Variants in DMD observed in about 807,000 individuals in gnomAD.
The protein encoded by DMD is mutant dystrophin.
DMD carries 63 observed loss-of-function variants against 330.1 expected under a neutral mutation model. The observed-to-expected ratio is 0.19, with a 90% CI of 0.16 to 0.24. The LOEUF (loss-of-function observed/expected upper bound fraction) is 0.24, where lower values mean the gene tolerates loss of function less well. Among genes scored for constraint, DMD ranks in the 10% least tolerant of loss-of-function variants. The pLI is 1.00. For missense variants in DMD, 3,344 were observed against 2,684.1 expected (o/e 1.25, Z -5.43); for synonymous variants, 1,223 against 959.8 (o/e 1.27, Z -5.07).
intron 57 of DMD, among the ~76,000 whole-genome samples, chrX:31,490,365 A>T (rs1022905274): frequency 9.0e-6 from 1 of 111,326 alleles, no homozygotes; most frequent in South Asian, 3.8e-4. Context: ...GATCGAGACC[A>T]TCCTGGCTAA....
intron 1 of DMD, among the ~76,000 whole-genome samples, chrX:33,326,647 C>A (rs2148960288): frequency 8.9e-6 from 1 of 111,812 alleles, no homozygotes; most frequent in East Asian, 2.8e-4. Flanking sequence ...TCTCTTCATG[C>A]AAGTTATTTG....
chrX:32,878,698 G>A (rs1270624554), intron 2 of DMD, among the ~76,000 whole-genome samples: 2 of 110,854 alleles, frequency 1.8e-5, no homozygotes, highest in East Asian at 5.7e-4. Flanking sequence ...AAAGAGTGGT[G>A]AGGTAGGGCA....
intron 2 of DMD, among the ~76,000 whole-genome samples, chrX:32,912,129 G>T (rs939859196): frequency 2.8e-4 from 31 of 109,784 alleles, no homozygotes; most frequent in African/African-American, 9.3e-4. Context: ...CAGGGTGCAT[G>T]AATTCAGTGA....
intron 4 of DMD, 131 bp downstream of exon 4, chrX:32,844,652 C>T (rs2080489352): frequency 3.6e-6 from 2 of 554,855 alleles, no homozygotes; most frequent in Non-Finnish European, 6.3e-6. Context: ...ACAACATGTG[C>T]TCTCAGTAAG....
At chrX:32,617,040 G>T (rs1402423760) in intron 11 of DMD, among the ~76,000 whole-genome samples, 1 of 110,001 alleles carries the variant, frequency 9.1e-6, no homozygotes, top group Non-Finnish European at 1.9e-5. Context: ...CGCTGTTCAT[G>T]TTTGGCTCCT....
chrX:31,447,963 C>T lies in DMD; in HGVS notation c.8938-3336G>A, dbSNP rs1292608934. On this transcript the variant is annotated intron_variant, in intron 59 of 78. Coordinates refer to ENST00000357033, the MANE Select transcript of DMD (RefSeq NM_004006.3). ...TGGAGGTTGCAGTGAGCCAAGATGG[C>T]ACCACTGCACTCACTCCAGCCTGGG... 9.2e-5 allele frequency among the ~76,000 whole-genome samples: 9 copies of T among 98,347 alleles called. No homozygotes were observed. The East Asian group carries it at 2.9e-3, about 31-fold the overall frequency. 85.4% of individuals were successfully genotyped at this position (98,347 alleles called of 115,157 possible).
intron 1 of DMD, among the ~76,000 whole-genome samples, chrX:33,147,499 G>A (rs1021738624): frequency 8.9e-6 from 1 of 111,956 alleles, no homozygotes; most frequent in African/African-American, 3.2e-5. Flanking sequence ...AAATATTAAA[G>A]CAAATTTTTA....
intron 7 of DMD, among the ~76,000 whole-genome samples, chrX:32,778,483 A>G (rs192056983): frequency 2.7e-5 from 3 of 111,553 alleles, no homozygotes; most frequent in African/African-American, 9.8e-5. Context: ...GTTGTAACAT[A>G]TTCCCAAAAT....
At chrX:32,568,236 G>A (rs1039487339) in intron 15 of DMD, among the ~76,000 whole-genome samples, 4 of 111,831 alleles carry the variant, frequency 3.6e-5, no homozygotes, top group African/African-American at 1.3e-4. Context: ...AAAATTAGAG[G>A]TGGTGGCTCA....
intron 2 of DMD, among the ~76,000 whole-genome samples, chrX:32,859,101 T>G (rs918202546): frequency 9.0e-6 from 1 of 111,397 alleles, no homozygotes; most frequent in Non-Finnish European, 1.9e-5. Flanking sequence ...TCAATAAATA[T>G]AGATTGATTT....
intron 7 of DMD, among the ~76,000 whole-genome samples, chrX:32,717,924 C>A (rs1245542063): frequency 9.0e-6 from 1 of 111,439 alleles, no homozygotes; most frequent in Non-Finnish European, 1.9e-5. Flanking sequence ...CCTGTAACCC[C>A]TTTCTTCTGA....
At chrX:33,131,190 T>TGTG (rs1342070634) in intron 1 of DMD, among the ~76,000 whole-genome samples, 2 of 110,564 alleles carry the variant, frequency 1.8e-5, no homozygotes, top group Non-Finnish European at 3.8e-5. Flanking sequence ...CTGGGGCTGC[T>TGTG]GCGGCTGCTG....
chrX:33,148,428 C>T (rs1190556968), intron 1 of DMD, among the ~76,000 whole-genome samples: 1 of 111,985 alleles, frequency 8.9e-6, no homozygotes, highest in Non-Finnish European at 1.9e-5. Flanking sequence ...TCTACACGAG[C>T]GTCCCAGTTT....
At chrX:33,281,271 C>T (rs963838290) in intron 1 of DMD, among the ~76,000 whole-genome samples, 20 of 104,207 alleles carry the variant, frequency 1.9e-4, no homozygotes, top group Admixed American at 1.0e-3. Flanking sequence ...TGCAGTGGCG[C>T]GATCTCGGTT....
chrX:32,729,502 G>A (rs1333934694), intron 7 of DMD, among the ~76,000 whole-genome samples: 1 of 111,501 alleles, frequency 9.0e-6, no homozygotes, highest in East Asian at 2.8e-4. Flanking sequence ...ATGGTAGCTT[G>A]GCAAGCTGAA....
intron 1 of DMD, among the ~76,000 whole-genome samples, chrX:33,312,787 A>G (rs1329018771): frequency 9.0e-6 from 1 of 111,451 alleles, no homozygotes; most frequent in Non-Finnish European, 1.9e-5. Flanking sequence ...TGATCCATTA[A>G]CATTCAATAC....
chrX:33,080,698 T>A (rs1476343958), intron 1 of DMD, among the ~76,000 whole-genome samples: 3 of 111,382 alleles, frequency 2.7e-5, no homozygotes, highest in African/African-American at 9.8e-5. Flanking sequence ...AATATAATGC[T>A]CCAAAGTAAA....
intron 2 of DMD, among the ~76,000 whole-genome samples, chrX:32,982,140 T>C (rs1569547031): frequency 8.9e-6 from 1 of 112,127 alleles, no homozygotes; most frequent in Non-Finnish European, 1.9e-5. Flanking sequence ...CTGCCTTTAA[T>C]AAAAACTGAT....
intron 11 of DMD, among the ~76,000 whole-genome samples, chrX:32,624,555 G>A (rs1278879066): frequency 1.8e-5 from 2 of 111,527 alleles, no homozygotes; most frequent in African/African-American, 3.3e-5. Flanking sequence ...AAACTTTAAT[G>A]TACATATGAA....
Sources: allele counts gnomAD v4.1 joint callset (sites outside exome capture counted in the v4.1 genomes callset), GRCh38; gene constraint gnomAD v4.1.1; transcripts MANE v1.5; gene names NCBI Gene and HGNC (gene_info 2026-07-23, HGNC 2026-07-21).